SLCO1B3: variants seen among roughly 807,000 people sequenced by gnomAD.
The protein encoded by SLCO1B3 is solute carrier organic anion transporter family member 1B3, also known as liver-specific organic anion transporter 2.
SLCO1B3 carries 72 observed loss-of-function variants against 71.8 expected under a neutral mutation model. The ratio of observed to expected loss-of-function variants is 1.00; its 90% CI spans 0.83 to 1.22. The LOEUF is 1.22. SLCO1B3 is among the 50% of genes most tolerant of loss of function. The pLI is 0.00. For missense variants in SLCO1B3, 911 were observed against 819.7 expected (o/e 1.11, Z -1.36); for synonymous variants, 298 against 278.4 (o/e 1.07, Z -0.70).
At chr12:20,832,529 C>T (rs1251078927) in intron 3 of SLCO1B3, among the ~76,000 whole-genome samples, 2 of 152,012 alleles carry the variant, frequency 1.3e-5, no homozygotes, top group East Asian at 1.9e-4. Flanking sequence ...GAAAAAGTCT[C>T]CCCTTTCTGC....
chr12:20,821,494 G>C (rs1864305846), intron 3 of SLCO1B3, among the ~76,000 whole-genome samples: 1 of 152,146 alleles, frequency 6.6e-6, no homozygotes, highest in Admixed American at 6.5e-5. Context: ...AGAGAAAAGA[G>C]TAGAGACACG....
chr12:20,859,496 T>TCCC (rs1565592106), intron 5 of SLCO1B3, among the ~76,000 whole-genome samples: 2 of 146,958 alleles, frequency 1.4e-5, no homozygotes, highest in Non-Finnish European at 3.0e-5. Flanking sequence ...TTTTTCCCCC[T>TCCC]CTACATTTGG....
At chr12:20,889,833 A>G (rs1329161337) in intron 13 of SLCO1B3, among the ~76,000 whole-genome samples, 2 of 152,022 alleles carry the variant, frequency 1.3e-5, no homozygotes, top group African/African-American at 2.4e-5. Context: ...TAATGCTACA[A>G]ACTTCCCTCT....
intron 13 of SLCO1B3, among the ~76,000 whole-genome samples, chr12:20,887,063 C>T (rs910549122): frequency 6.6e-6 from 1 of 151,990 alleles, no homozygotes; most frequent in Non-Finnish European, 1.5e-5. Context: ...TTTTTAATTG[C>T]TCACTAGTAT....
rs893865873 is a variant in SLCO1B3, at chr12:20,898,554, AC to A, written c.1747+55del. 5.8e-6 allele frequency: 5 copies of A among 863,404 alleles called. No individual in the cohort carries two copies. In the African/African-American group the frequency reaches 6.9e-5, roughly 12 times the overall value. 53.5% of individuals were successfully genotyped at this position (863,404 alleles called of 1,614,324 possible). A position where few individuals can be genotyped will look rare whatever the true frequency, so the allele number is the denominator to read the frequency against. The stretch of plus-strand genomic sequence containing the variant: ...TAACATATAAATATTAATGTTAAAT[AC>A]TAAAGACTGAATGCAATTAATTTTC... On this transcript the variant is annotated intron_variant, in intron 14 of 15. Coordinates refer to ENST00000381545, the MANE Select transcript of SLCO1B3 (RefSeq NM_019844.4).
chr12:20,846,903 T>C (rs1363719110), intron 3 of SLCO1B3, among the ~76,000 whole-genome samples: 1 of 152,130 alleles, frequency 6.6e-6, no homozygotes, highest in Non-Finnish European at 1.5e-5. Context: ...ACCTCTTATC[T>C]CGATGCCAGT....
At chr12:20,822,275 C>T (rs549858207) in intron 3 of SLCO1B3, among the ~76,000 whole-genome samples, 1 of 152,130 alleles carries the variant, frequency 6.6e-6, no homozygotes, top group South Asian at 2.1e-4. Flanking sequence ...TGGGCTGAGT[C>T]CGAAAAGAGA....
intron 13 of SLCO1B3, among the ~76,000 whole-genome samples, chr12:20,888,216 TC>T (rs1865828628): frequency 6.6e-6 from 1 of 152,016 alleles, no homozygotes; most frequent in Non-Finnish European, 1.5e-5. Flanking sequence ...CTTTTTTGGT[TC>T]CGTATGAATT....
intron 8 of SLCO1B3, among the ~76,000 whole-genome samples, chr12:20,863,255 G>A (rs1865306565): frequency 6.6e-6 from 1 of 151,942 alleles, no homozygotes; most frequent in African/African-American, 2.4e-5. Flanking sequence ...TTGACTTACG[G>A]CAGGGGTGGG....
At chr12:20,840,390 A>ATTT (rs199898909) in intron 3 of SLCO1B3, among the ~76,000 whole-genome samples, 51 of 141,030 alleles carry the variant, frequency 3.6e-4, no homozygotes, top group East Asian at 2.1e-3. Flanking sequence ...ATGCTTCTCA[A>ATTT]TTTTTTTTTT....
chr12:20,880,844 T>C lies in SLCO1B3; in HGVS notation c.1332-11T>C, dbSNP rs944427366. 1.3e-6 allele frequency: 2 copies of C among 1,556,344 alleles called. No homozygotes were observed. The highest frequency in any genetic ancestry group is 1.8e-6 in the Non-Finnish European group (2 of 1,136,538). ...CTCTTTTTTTGATATATTTCTATCA[T>C]ATATTTTCAGAAATAATTCAGTGGC... On this transcript the variant is annotated splice_polypyrimidine_tract_variant and intron_variant, in intron 11 of 15. Transcript: ENST00000381545.
At position 20,883,432 on chromosome 12, in the gene SLCO1B3, T is replaced by C; in HGVS notation, c.1512T>C (p.Cys504=). 1 of 1,555,536 alleles carries C rather than the reference T, an allele frequency of 6.4e-7. No individual in the cohort carries two copies. The highest frequency in any genetic ancestry group is 8.7e-7 in the Non-Finnish European group (1 of 1,154,634). The part of the protein sequence containing the change: ...GIKKHTVFYN[C]SCVEVTGLQN... ...ACTATTTTTAGGTGTTTTATAACTG[T>C]AGTTGTGTGGAAGTAACTGGTCTCC... Residue 504 remains cysteine (C), a synonymous_variant, in exon 13 of 16, where the codon TGT becomes TGC. Coordinates refer to ENST00000381545, the MANE Select transcript of SLCO1B3 (RefSeq NM_019844.4).
In SLCO1B3 at chr12:20,880,861, T is replaced by C; in HGVS notation, c.1338T>C (p.Asn446=). ...TTCTATCATATATTTTCAGAAATAA[T>C]TCAGTGGCATCTCATGTAGATGTAC... ...AGLTLTYDGN[N]SVASHVDVPL... is the part of the protein sequence containing the mutation. The change falls in exon 12 of 16, where the codon AAT becomes AAC. Residue 446 remains asparagine (N), a synonymous_variant. Transcript: ENST00000381545. The C allele has an allele frequency of 6.3e-7, 1 of 1,587,130 alleles. No individual in the cohort carries two copies. The highest frequency in any genetic ancestry group is 8.6e-7 in the Non-Finnish European group (1 of 1,163,714).
At chr12:20,901,536 AT>A in intron 15 of SLCO1B3, 69 bp downstream of exon 15, 1 of 760,326 alleles carries the variant, frequency 1.3e-6, no homozygotes, top group Non-Finnish European at 2.2e-6. Context: ...AAGATATAGC[AT>A]TTTTAGTGTG....
chr12:20,901,230 A>T, intron 14 of SLCO1B3, 120 bp from the exon 15 acceptor site: 1 of 694,168 alleles, frequency 1.4e-6, no homozygotes, highest in South Asian at 1.8e-5. Flanking sequence ...AGCCAAACCA[A>T]TGGAATAATT....
In SLCO1B3 at chr12:20,907,018, TA is replaced by T. The variant is rs904148104; in HGVS notation, c.1865+5558del. Among the ~76,000 whole-genome samples the T allele has an allele frequency of 1.9e-3, 289 of 152,114 alleles. 2 individuals are homozygous for T. The highest frequency in any genetic ancestry group is 8.4e-4 in the Non-Finnish European group (57 of 67,978). ...CAGGCAAATGAATATTCTGAGTTCT[TA>T]AAAAAAGGAAAAATCTTTTTACTTA... On this transcript the variant is annotated intron_variant, in intron 15 of 15. Transcript: ENST00000381545.
At chr12:20,822,696 A>G (rs922895434) in intron 3 of SLCO1B3, among the ~76,000 whole-genome samples, 4 of 152,240 alleles carry the variant, frequency 2.6e-5, no homozygotes, top group Admixed American at 2.6e-4. Flanking sequence ...TCAGTTATTT[A>G]TTTGTCTTGT....
intron 9 of SLCO1B3, 130 bp downstream of exon 9, chr12:20,875,607 T>G: frequency 1.0e-6 from 1 of 954,648 alleles, no homozygotes; most frequent in African/African-American, 1.7e-5. Context: ...TTAGCTGAAT[T>G]ATTTTTTCTA....
rs1422404707 is a variant in SLCO1B3 at position 20,916,271 on chromosome 12, T to G, written c.*24T>G. 1 of 1,602,766 alleles carries G rather than the reference T, an allele frequency of 6.2e-7. No individual in the cohort carries two copies. The highest frequency in any genetic ancestry group is 1.3e-5 in the African/African-American group (1 of 74,580). ...AACATTGCATTGATTCATTAAGATGTTATTTTTGAGGTGTTCCTGGTCTTT... is the reference window on the plus strand; with the variant it reads ...AACATTGCATTGATTCATTAAGATGGTATTTTTGAGGTGTTCCTGGTCTTT... On this transcript the variant is annotated 3_prime_UTR_variant, in exon 16 of 16. Coordinates refer to ENST00000381545, the MANE Select transcript of SLCO1B3 (RefSeq NM_019844.4).
Sources: allele counts gnomAD v4.1 joint callset (sites outside exome capture counted in the v4.1 genomes callset), GRCh38; gene constraint gnomAD v4.1.1; transcripts MANE v1.5; gene names NCBI Gene and HGNC (gene_info 2026-07-23, HGNC 2026-07-21).